ANO4: variants seen among roughly 807,000 people sequenced by gnomAD.
ANO4 encodes the protein anoctamin 4.
A neutral mutation model predicts 141.9 loss-of-function variants in ANO4; 69 were observed. That is an observed-to-expected ratio of 0.49 (90% CI 0.40 to 0.59). The LOEUF (loss-of-function observed/expected upper bound fraction) is 0.59. Ranked by LOEUF, ANO4 falls within the 20% of genes least tolerant of loss-of-function variation. The pLI is 0.00. For synonymous variants in ANO4, 350 were observed against 394.3 expected, an observed-to-expected ratio of 0.89 and a Z score of 1.33; for missense variants, 894 against 1,162.2, an observed-to-expected ratio of 0.77 and a Z score of 3.36.
intron 1 of ANO4, among the ~76,000 whole-genome samples, chr12:100,841,481 T>C (rs1188481883): frequency 3.3e-5 from 5 of 152,236 alleles, no homozygotes; most frequent in South Asian, 2.1e-4. Context: ...TCTTAGGTAG[T>C]GGTAAATGCT....
rs778005685 is a variant in ANO4, at chr12:101,116,741, G to A, written c.2513G>A (p.Arg838Gln). ...SVFRISDFEN[R>Q]SEPESDGSEF... is the part of the protein sequence containing the mutation. Reference sequence around the variant, plus strand: ...TTTCGAATTTCTGACTTTGAGAACCGATCTGAGCCTGAATCTGATGGCAGT... The same window carrying A: ...TTTCGAATTTCTGACTTTGAGAACCAATCTGAGCCTGAATCTGATGGCAGT... The change falls in exon 25 of 28, where the codon CGA becomes CAA. Residue 838 changes from arginine to glutamine, a missense_variant. By Grantham distance (43) the Arg-to-Gln change is conservative. Coordinates refer to ENST00000392977, the MANE Select transcript of ANO4 (RefSeq NM_001286615.2). 1.5e-5 allele frequency: 25 copies of A among 1,613,948 alleles called. No individual in the cohort carries two copies. Among genetic ancestry groups the A allele is most frequent in the South Asian group, 1.1e-4 (10 of 91,058 alleles).
At chr12:100,967,498 A>T (rs2043725128) in intron 5 of ANO4, among the ~76,000 whole-genome samples, 1 of 151,962 alleles carries the variant, frequency 6.6e-6, no homozygotes, top group Non-Finnish European at 1.5e-5. Context: ...ATGCCTTCTC[A>T]GTTCTTCCTT....
intron 1 of ANO4, among the ~76,000 whole-genome samples, chr12:100,880,850 T>C (rs968497809): frequency 6.6e-6 from 1 of 152,188 alleles, no homozygotes; most frequent in African/African-American, 2.4e-5. Context: ...AAGATATCTA[T>C]GCATGGACCA....
intron 14 of ANO4, among the ~76,000 whole-genome samples, chr12:101,074,975 A>T (rs1365656954): frequency 6.6e-6 from 1 of 152,108 alleles, no homozygotes; most frequent in African/African-American, 2.4e-5. Flanking sequence ...AAGTCCACAA[A>T]CTAGTCATAG....
chr12:100,912,936 T>C (rs2041179467), intron 2 of ANO4, among the ~76,000 whole-genome samples: 1 of 152,226 alleles, frequency 6.6e-6, no homozygotes, highest in Non-Finnish European at 1.5e-5. Flanking sequence ...TTCATTTGAA[T>C]CTCTTCCTCT....
intron 3 of ANO4, among the ~76,000 whole-genome samples, chr12:100,760,569 T>C (rs560886825): frequency 6.6e-6 from 1 of 152,288 alleles, no homozygotes; most frequent in African/African-American, 2.4e-5. Context: ...TTTTCCTGTT[T>C]TAAAATTCTA....
chr12:100,770,834 G>T lies in ANO4; in HGVS notation c.358+30729G>T, dbSNP rs578011275. On this transcript the variant is annotated intron_variant, in intron 3 of 29. Coordinates refer to the ANO4 transcript ENST00000644049. ...TTATCTGTATCTACTTTGATTGTAGGATCCCTTCTTATAAAGGGGCAGGGA... is the reference window on the plus strand; with the variant it reads ...TTATCTGTATCTACTTTGATTGTAGTATCCCTTCTTATAAAGGGGCAGGGA... Among the ~76,000 whole-genome samples the T allele has an allele frequency of 2.0e-4, 29 of 147,362 alleles. No individual in the cohort carries two copies. The East Asian group carries it at 5.2e-3, about 26-fold the overall frequency.
At chr12:100,816,736 T>A (rs189756967) in intron 1 of ANO4, among the ~76,000 whole-genome samples, 1 of 152,134 alleles carries the variant, frequency 6.6e-6, no homozygotes, top group African/African-American at 2.4e-5. Context: ...GTACTGTGAT[T>A]GTTATACCAT....
At chr12:100,764,421 A>T (rs1368893300) in intron 3 of ANO4, among the ~76,000 whole-genome samples, 1 of 152,186 alleles carries the variant, frequency 6.6e-6, no homozygotes, top group Non-Finnish European at 1.5e-5. Flanking sequence ...AGATTTTGCT[A>T]AATGTTTATT....
chr12:100,928,327 T>C (rs537191717), intron 3 of ANO4, among the ~76,000 whole-genome samples: 20 of 152,290 alleles, frequency 1.3e-4, no homozygotes, highest in African/African-American at 4.3e-4. Context: ...AGTACATCTA[T>C]GTAAAGCCTT....
At chr12:100,913,717 A>G (rs1379841622) in intron 2 of ANO4, among the ~76,000 whole-genome samples, 1 of 152,228 alleles carries the variant, frequency 6.6e-6, no homozygotes, top group Non-Finnish European at 1.5e-5. Flanking sequence ...TATAACTAGT[A>G]GAGCTGAGAT....
At chr12:101,118,857 T>C (rs2050961192) in intron 25 of ANO4, among the ~76,000 whole-genome samples, 1 of 139,548 alleles carries the variant, frequency 7.2e-6, no homozygotes, top group Admixed American at 7.3e-5. Flanking sequence ...CCTAATGCTA[T>C]CCCTCCCCCC....
chr12:100,967,412 T>C (rs1294620998), intron 5 of ANO4, among the ~76,000 whole-genome samples: 1 of 152,152 alleles, frequency 6.6e-6, no homozygotes, highest in Non-Finnish European at 1.5e-5. Flanking sequence ...ATGGGCCATA[T>C]AATTAGCAAT....
intron 1 of ANO4, among the ~76,000 whole-genome samples, chr12:100,833,134 C>A (rs1287453075): frequency 1.3e-5 from 2 of 152,044 alleles, no homozygotes; most frequent in Non-Finnish European, 1.5e-5. Flanking sequence ...GTTTGAAAAA[C>A]TATTCAGGAA....
At chr12:100,757,056 G>A (rs899616151) in intron 3 of ANO4, among the ~76,000 whole-genome samples, 18 of 152,066 alleles carry the variant, frequency 1.2e-4, no homozygotes, top group African/African-American at 3.1e-4. Context: ...TCTGGAAAAT[G>A]TGGAACTGTT....
At chr12:100,730,183 GTACT>G (rs1209209758) in intron 1 of ANO4, among the ~76,000 whole-genome samples, 2 of 152,138 alleles carry the variant, frequency 1.3e-5, no homozygotes, top group African/African-American at 4.8e-5. Flanking sequence ...CAACTTTAGA[GTACT>G]TAGTTTGATA....
At chr12:100,837,190 ATAG>A (rs1204814041) in intron 1 of ANO4, among the ~76,000 whole-genome samples, 4 of 152,188 alleles carry the variant, frequency 2.6e-5, no homozygotes, top group Non-Finnish European at 5.9e-5. Context: ...GATGACAATG[ATAG>A]TAGTAGCTAA....
At chr12:101,107,567 C>A (rs1363220820) in intron 22 of ANO4, among the ~76,000 whole-genome samples, 2 of 152,006 alleles carry the variant, frequency 1.3e-5, no homozygotes, top group African/African-American at 4.8e-5. Context: ...TATGCTGTAT[C>A]CCCATAAAAT....
At chr12:101,033,129 A>G (rs1215396567) in intron 9 of ANO4, among the ~76,000 whole-genome samples, 1 of 152,218 alleles carries the variant, frequency 6.6e-6, no homozygotes, top group African/African-American at 2.4e-5. Flanking sequence ...ATGGAATACT[A>G]TGCAGCCATA....
Sources: gnomAD v4.1 joint callset for allele counts (sites outside exome capture counted in the v4.1 genomes callset) on GRCh38, gnomAD v4.1.1 for gene constraint, MANE v1.5 for transcripts, NCBI Gene and HGNC (gene_info 2026-07-23, HGNC 2026-07-21) for gene names.